RYR2: variants seen among roughly 807,000 people sequenced by gnomAD.
The protein encoded by RYR2 is cardiac muscle ryanodine receptor-calcium release channel.
Under a neutral mutation model 601.1 loss-of-function variants are expected in RYR2, and 227 were observed. The observed-to-expected ratio is 0.38, with a 90% CI of 0.34 to 0.42. RYR2 has a LOEUF of 0.42. RYR2 is among the 10% of genes least tolerant of loss of function. The pLI is 1.00. For synonymous variants in RYR2, 2,223 were observed against 2,175.1 expected (o/e 1.02, Z -0.61); for missense variants, 4,646 against 6,156.5 (o/e 0.75, Z 8.21).
At chr1:237,236,081 C>A (rs552994444) in intron 1 of RYR2, among the ~76,000 whole-genome samples, 9 of 152,152 alleles carry the variant, frequency 5.9e-5, no homozygotes, top group Non-Finnish European at 1.2e-4. Context: ...TTCAAAACAA[C>A]AGTAACAATA....
At chr1:237,659,496 A>G (rs2148839207) in intron 54 of RYR2, among the ~76,000 whole-genome samples, 1 of 152,318 alleles carries the variant, frequency 6.6e-6, no homozygotes, top group South Asian at 2.1e-4. Context: ...AACAGGTGGC[A>G]TTATTCAGAG....
At chr1:237,044,089 C>A (rs897735955) in intron 1 of RYR2, among the ~76,000 whole-genome samples, 1 of 152,158 alleles carries the variant, frequency 6.6e-6, no homozygotes, top group Non-Finnish European at 1.5e-5. Context: ...TGGCCCAAGA[C>A]CGGGCTTGGA....
chr1:237,086,518 G>A (rs762688184), intron 1 of RYR2, among the ~76,000 whole-genome samples: 5 of 152,030 alleles, frequency 3.3e-5, no homozygotes, highest in Non-Finnish European at 7.4e-5. Flanking sequence ...CTGTGTTTCG[G>A]GTTCATCCTT....
chr1:237,390,269 C>T (rs549546237), intron 10 of RYR2, among the ~76,000 whole-genome samples: 2 of 150,706 alleles, frequency 1.3e-5, no homozygotes, highest in Non-Finnish European at 2.9e-5. Context: ...TCTACAGACA[C>T]TGTAGAGCTT....
At chr1:237,553,353 G>T (rs926712536) in intron 27 of RYR2, among the ~76,000 whole-genome samples, 2 of 151,990 alleles carry the variant, frequency 1.3e-5, no homozygotes, top group South Asian at 4.2e-4. Flanking sequence ...AATTACCTTG[G>T]CGTCTTAGTC....
chr1:237,372,577 AC>A (rs1202824316), intron 6 of RYR2, among the ~76,000 whole-genome samples: 3 of 152,246 alleles, frequency 2.0e-5, no homozygotes, highest in Non-Finnish European at 4.4e-5. Flanking sequence ...ATATGTAAAA[AC>A]AATTTGTATA....
chr1:237,286,297 G>T (rs1261185023), intron 2 of RYR2, among the ~76,000 whole-genome samples: 1 of 151,852 alleles, frequency 6.6e-6, no homozygotes, highest in African/African-American at 2.4e-5. Flanking sequence ...TTCAGGAGCA[G>T]GTTATTTAAT....
intron 1 of RYR2, among the ~76,000 whole-genome samples, chr1:237,181,168 C>T (rs941906861): frequency 1.3e-5 from 2 of 151,864 alleles, no homozygotes; most frequent in Admixed American, 1.3e-4. Context: ...ATTTTTAGTA[C>T]AGATGGAGTT....
In RYR2 at chr1:237,234,504, C is replaced by T. The variant is rs188875479; in HGVS notation, c.49-35993C>T. The stretch of plus-strand genomic sequence containing the variant: ...AAAGTATCTGTTCGGTGGGAGTTGG[C>T]GTGTCATTGAATCTCAGGTGTTAAA... On this transcript the variant is annotated intron_variant, in intron 1 of 104. Coordinates refer to ENST00000366574, the MANE Select transcript of RYR2 (RefSeq NM_001035.3). 2.2e-4 allele frequency among the ~76,000 whole-genome samples: 34 copies of T among 152,046 alleles called. No homozygotes were observed. The East Asian group carries it at 4.6e-3, about 21-fold the overall frequency.
At chr1:237,831,621 AT>A (rs2102957683) in intron 104 of RYR2, 56 bp downstream of exon 104, 2 of 1,037,576 alleles carry the variant, frequency 1.9e-6, no homozygotes, top group East Asian at 4.8e-5. Context: ...AGCTCTAAAT[AT>A]CAGAACAAAA....
At chr1:237,395,443 A>G (rs978769354) in intron 10 of RYR2, among the ~76,000 whole-genome samples, 1 of 151,668 alleles carries the variant, frequency 6.6e-6, no homozygotes, top group African/African-American at 2.4e-5. Flanking sequence ...TATTTTTCAG[A>G]CGATTCCTAC....
In RYR2 at chr1:237,503,453, C is replaced by T. The variant is rs1060500163; in HGVS notation, c.2561C>T (p.Thr854Ile). 1 of 1,613,986 alleles carries T rather than the reference C, an allele frequency of 6.2e-7. No individual in the cohort carries two copies. The highest frequency in any genetic ancestry group is 8.5e-7 in the Non-Finnish European group (1 of 1,179,894). ...TACACACGCGACCTGCTGGGCCCCA[C>T]AGTTTCCCTGACGCAAGCTGCCTTC... ...RTYTRDLLGP[T>I]VSLTQAAFTP... The change falls in exon 22 of 105, where the codon ACA becomes ATA. Residue 854 changes from threonine to isoleucine, a missense_variant. Physicochemically the swap from Thr to Ile is moderately conservative, Grantham distance 89. This residue lies in a region of RYR2 where 1,807 missense variants were observed against 2,088.1 expected (regional missense o/e 0.87). Transcript: ENST00000366574.
intron 41 of RYR2, among the ~76,000 whole-genome samples, chr1:237,629,609 G>A (rs192120429): frequency 7.2e-5 from 11 of 151,924 alleles, no homozygotes; most frequent in Non-Finnish European, 1.3e-4. Flanking sequence ...ACTGCTACAT[G>A]AATAAAATAG....
At chr1:237,204,196 G>C (rs57771459) in intron 1 of RYR2, among the ~76,000 whole-genome samples, 2,253 of 151,880 alleles carry the variant, frequency 0.015, 49 homozygotes, top group African/African-American at 0.051. Context: ...TTTTTGTAGA[G>C]ACAGGGTTTA....
chr1:237,144,035 A>G (rs1261854538), intron 1 of RYR2, among the ~76,000 whole-genome samples: 4 of 152,204 alleles, frequency 2.6e-5, no homozygotes, highest in African/African-American at 7.2e-5. Flanking sequence ...AGGCTGAGGC[A>G]GGAGAATTGC....
chr1:237,781,348 C>T lies in RYR2; in HGVS notation c.11881-217C>T, dbSNP rs1180739049. 4.6e-5 allele frequency among the ~76,000 whole-genome samples: 7 copies of T among 152,294 alleles called. No homozygotes were observed. The East Asian group carries it at 7.7e-4, about 17-fold the overall frequency. ...GATTACAGGCATGAGCCACTGCGCCCGGCCTACAAATACTTTAAAGAACAT... is the reference window on the plus strand; with the variant it reads ...GATTACAGGCATGAGCCACTGCGCCTGGCCTACAAATACTTTAAAGAACAT... On this transcript the variant is annotated intron_variant, in intron 88 of 104. Coordinates refer to ENST00000366574, the MANE Select transcript of RYR2 (RefSeq NM_001035.3).
At chr1:237,698,318 T>C (rs947192722) in intron 63 of RYR2, among the ~76,000 whole-genome samples, 1 of 152,136 alleles carries the variant, frequency 6.6e-6, no homozygotes, top group Admixed American at 6.5e-5. Flanking sequence ...CCAATCAAAA[T>C]GAGTGAATTT....
chr1:237,398,231 T>C (rs1368216547), intron 10 of RYR2, among the ~76,000 whole-genome samples: 1 of 152,052 alleles, frequency 6.6e-6, no homozygotes, highest in African/African-American at 2.4e-5. Flanking sequence ...GCTCAGTCAG[T>C]TGGGGGGCTT....
intron 3 of RYR2, among the ~76,000 whole-genome samples, chr1:237,339,945 G>A (rs1162968713): frequency 1.3e-5 from 2 of 152,136 alleles, no homozygotes; most frequent in African/African-American, 4.8e-5. Context: ...AGAAAATGGG[G>A]CCAGCACAAC....
Sources: allele counts gnomAD v4.1 joint callset (sites outside exome capture counted in the v4.1 genomes callset), GRCh38; gene constraint gnomAD v4.1.1; regional missense constraint gnomAD v4.1.1; transcripts MANE v1.5; gene names NCBI Gene and HGNC (gene_info 2026-07-23, HGNC 2026-07-21).